The following NDFIP2 variants were observed in gnomAD, a reference collection of about 807,000 sequenced individuals.
NDFIP2 encodes NEDD4 family-interacting protein 2.
A neutral mutation model predicts 36.0 loss-of-function variants in NDFIP2; 19 were observed. The observed-to-expected ratio is 0.53, with a 90% CI of 0.37 to 0.77. NDFIP2 has a LOEUF of 0.77. NDFIP2 is among the 30% of genes least tolerant of loss of function. The pLI, the probability that NDFIP2 is intolerant of heterozygous loss-of-function variation, is 0.00. For missense variants in NDFIP2, 446 were observed against 435.8 expected (o/e 1.02, Z -0.21); for synonymous variants, 181 against 167.7 (o/e 1.08, Z -0.61).
At chr13:79,485,573 CTT>C (rs1389858465) in intron 1 of NDFIP2, among the ~76,000 whole-genome samples, 2 of 152,078 alleles carry the variant, frequency 1.3e-5, no homozygotes, top group African/African-American at 2.4e-5. Flanking sequence ...TTGATCGTCT[CTT>C]GTTTGTTTCT....
At chr13:79,513,943 A>G (rs1213524379) in intron 1 of NDFIP2, among the ~76,000 whole-genome samples, 1 of 152,238 alleles carries the variant, frequency 6.6e-6, no homozygotes. Context: ...TGTAAACACA[A>G]CTAATGAATG....
intron 1 of NDFIP2, among the ~76,000 whole-genome samples, chr13:79,496,011 G>A (rs1416981093): frequency 1.3e-5 from 2 of 151,812 alleles, no homozygotes. Flanking sequence ...GTTGTCATAT[G>A]TATTATGTTG....
intron 1 of NDFIP2, among the ~76,000 whole-genome samples, chr13:79,505,852 C>A (rs1873844303): frequency 6.6e-6 from 1 of 151,540 alleles, no homozygotes; most frequent in Non-Finnish European, 1.5e-5. Flanking sequence ...ATTAGAAAAT[C>A]ATCACCTTAA....
At chr13:79,524,039 T>G (rs61318325) in intron 2 of NDFIP2, among the ~76,000 whole-genome samples, 9,067 of 152,304 alleles carry the variant, frequency 0.06, 550 homozygotes, top group African/African-American at 0.15. Context: ...TATTCTATAA[T>G]TTTGACATTT....
chr13:79,498,395 TAAAG>T (rs971866023), intron 1 of NDFIP2, among the ~76,000 whole-genome samples: 2 of 151,930 alleles, frequency 1.3e-5, no homozygotes, highest in African/African-American at 2.4e-5. Context: ...TATACAAAAA[TAAAG>T]AAATATGAAC....
At chr13:79,483,820 A>G (rs7983904) in intron 1 of NDFIP2, among the ~76,000 whole-genome samples, 6,543 of 152,212 alleles carry the variant, frequency 0.043, 482 homozygotes, top group African/African-American at 0.15. Context: ...GCAGTGGATA[A>G]CAGTTTAGAG....
At chr13:79,539,835 A>G (rs748043573) in intron 4 of NDFIP2, 60 bp downstream of exon 4, 19 of 1,379,022 alleles carry the variant, frequency 1.4e-5, no homozygotes, top group Non-Finnish European at 2.0e-5. Context: ...ATGTGTATTA[A>G]AGTAACATAG....
At chr13:79,502,357 A>G (rs1873699692) in intron 1 of NDFIP2, among the ~76,000 whole-genome samples, 2 of 152,328 alleles carry the variant, frequency 1.3e-5, no homozygotes, top group South Asian at 4.1e-4. Context: ...AACTCTAACA[A>G]TATTACATGG....
At chr13:79,519,633 C>T (rs1283337333) in intron 1 of NDFIP2, among the ~76,000 whole-genome samples, 2 of 152,152 alleles carry the variant, frequency 1.3e-5, no homozygotes, top group Non-Finnish European at 2.9e-5. Flanking sequence ...GTCTCTGTCT[C>T]CTAGGATCTC....
intron 2 of NDFIP2, among the ~76,000 whole-genome samples, chr13:79,531,053 A>G (rs1874996064): frequency 6.6e-6 from 1 of 152,200 alleles, no homozygotes; most frequent in Non-Finnish European, 1.5e-5. Flanking sequence ...ATAAGACTTG[A>G]AAGTCAGAAT....
intron 1 of NDFIP2, among the ~76,000 whole-genome samples, chr13:79,495,617 G>A (rs956074597): frequency 2.0e-5 from 3 of 151,850 alleles, no homozygotes; most frequent in South Asian, 2.1e-4. Flanking sequence ...TCCTTTAAAT[G>A]TGTCTTTTGT....
At chr13:79,513,230 A>G (rs1343175607) in intron 1 of NDFIP2, among the ~76,000 whole-genome samples, 1 of 152,208 alleles carries the variant, frequency 6.6e-6, no homozygotes, top group African/African-American at 2.4e-5. Context: ...CACAGAAATT[A>G]CTGTGGACTT....
chr13:79,507,067 C>T (rs1303178878), intron 1 of NDFIP2, among the ~76,000 whole-genome samples: 4 of 151,920 alleles, frequency 2.6e-5, no homozygotes, highest in Non-Finnish European at 5.9e-5. Flanking sequence ...GCTGTTCATA[C>T]GTTTTGTCAT....
At chr13:79,509,688 T>TAGAGAG (rs147787220) in intron 1 of NDFIP2, among the ~76,000 whole-genome samples, 22,011 of 140,086 alleles carry the variant, frequency 0.16, 1,982 homozygotes, top group East Asian at 0.38. Context: ...TATATATATA[T>TAGAGAG]ATAGAGAGAG....
chr13:79,500,108 A>G (rs1873599052), intron 1 of NDFIP2, among the ~76,000 whole-genome samples: 1 of 151,664 alleles, frequency 6.6e-6, no homozygotes, highest in Non-Finnish European at 1.5e-5. Context: ...TAAAGGCAAC[A>G]CAGTAAAGCA....
intron 4 of NDFIP2, among the ~76,000 whole-genome samples, chr13:79,542,218 T>TA (rs1491117463): frequency 6.6e-6 from 1 of 152,208 alleles, no homozygotes; most frequent in African/African-American, 2.4e-5. Flanking sequence ...TTCTGAGGTT[T>TA]AGCCATTTGT....
At chr13:79,526,031 T>C (rs987305585) in intron 2 of NDFIP2, among the ~76,000 whole-genome samples, 4 of 152,218 alleles carry the variant, frequency 2.6e-5, no homozygotes, top group African/African-American at 4.8e-5. Flanking sequence ...CTATAACTTA[T>C]GCTCTTAGCA....
chr13:79,548,928 AT>A (rs1875794215), intron 6 of NDFIP2, among the ~76,000 whole-genome samples: 1 of 151,836 alleles, frequency 6.6e-6, no homozygotes, highest in Non-Finnish European at 1.5e-5. Context: ...AATTTTATGG[AT>A]TTTCAATTTT....
chr13:79,519,482 T>C (rs1874479544), intron 1 of NDFIP2, among the ~76,000 whole-genome samples: 1 of 152,236 alleles, frequency 6.6e-6, no homozygotes, highest in Admixed American at 6.5e-5. Flanking sequence ...AAGTTTACCA[T>C]AAATGAAGTA....
Sources: gnomAD v4.1 joint callset for allele counts (sites outside exome capture counted in the v4.1 genomes callset) on GRCh38, gnomAD v4.1.1 for gene constraint, MANE v1.5 for transcripts, NCBI Gene and HGNC (gene_info 2026-07-23, HGNC 2026-07-21) for gene names.